ENOX1: variants seen among roughly 807,000 people sequenced by gnomAD.
ENOX1 encodes the protein ecto-NOX disulfide-thiol exchanger 1, also known as candidate growth-related and time keeping constitutive hydroquinone (NADH) oxidase.
A neutral mutation model predicts 82.5 loss-of-function variants in ENOX1; 42 were observed. That is an observed-to-expected ratio of 0.51 (90% CI 0.40 to 0.66). The LOEUF (loss-of-function observed/expected upper bound fraction) is 0.66. Among genes scored for constraint, ENOX1 ranks in the 30% least tolerant of loss-of-function variants. The probability of loss-of-function intolerance (pLI) is 0.00; values close to 1 mark genes in which losing one functional copy is unlikely to be tolerated. For missense variants in ENOX1, 608 were observed against 811.6 expected (o/e 0.75, Z 3.05); for synonymous variants, 271 against 282.2 (o/e 0.96, Z 0.40).
intron 2 of ENOX1, among the ~76,000 whole-genome samples, chr13:43,622,015 A>C (rs2082754464): frequency 6.6e-6 from 1 of 151,976 alleles, no homozygotes; most frequent in African/African-American, 2.4e-5. Context: ...TCGAGCTGTG[A>C]GTTTCTTTCT....
At chr13:43,353,185 A>G (rs930324518) in intron 8 of ENOX1, among the ~76,000 whole-genome samples, 15 of 152,232 alleles carry the variant, frequency 9.9e-5, no homozygotes, top group Admixed American at 6.5e-4. Context: ...ACGTGCTCAT[A>G]GATCCAAATA....
At chr13:43,264,230 G>C (rs1277952783) in intron 14 of ENOX1, among the ~76,000 whole-genome samples, 1 of 152,170 alleles carries the variant, frequency 6.6e-6, no homozygotes, top group Non-Finnish European at 1.5e-5. Flanking sequence ...AACTTGTCAG[G>C]CTGATACATT....
chr13:43,289,405 G>A (rs11617744), intron 12 of ENOX1, among the ~76,000 whole-genome samples: 16 of 152,168 alleles, frequency 1.1e-4, no homozygotes, highest in African/African-American at 2.2e-4. Flanking sequence ...AGAAAACTGA[G>A]AAACAAAGAT....
In ENOX1 at chr13:43,231,208, CTT is replaced by C. The variant is rs2042265035; in HGVS notation, c.1714+5426_1714+5427del. ...TGACCATAAACCAGCCTGAAATAGTCTTGTTTCATGTTGACACCCATATAAAT... is the reference window on the plus strand; with the variant it reads ...TGACCATAAACCAGCCTGAAATAGTCGTTTCATGTTGACACCCATATAAAT... On this transcript the variant is annotated intron_variant, in intron 15 of 16. Coordinates refer to ENST00000690772, the MANE Select transcript of ENOX1 (RefSeq NM_001347969.2). 2.6e-5 allele frequency among the ~76,000 whole-genome samples: 4 copies of C among 152,172 alleles called. No homozygotes were observed. In the South Asian group the frequency reaches 8.3e-4, roughly 32 times the overall value.
At chr13:43,666,273 T>C (rs774994828) in intron 2 of ENOX1, among the ~76,000 whole-genome samples, 7 of 152,142 alleles carry the variant, frequency 4.6e-5, no homozygotes, top group Non-Finnish European at 8.8e-5. Context: ...AATTGAGGTA[T>C]GCCTGTACCC....
chr13:43,667,037 C>T (rs1407208106), intron 2 of ENOX1, among the ~76,000 whole-genome samples: 1 of 152,108 alleles, frequency 6.6e-6, no homozygotes, highest in Admixed American at 6.5e-5. Context: ...AGTTGTGAGA[C>T]ATGTACTTAT....
chr13:43,569,479 A>G (rs9533531), intron 2 of ENOX1, among the ~76,000 whole-genome samples: 147,985 of 152,252 alleles, frequency 0.97, 72,059 homozygotes, highest in East Asian at 1. Context: ...TCAGAGACCT[A>G]TGTTCTCTTC....
At chr13:43,417,134 G>A (rs1486867435) in intron 3 of ENOX1, among the ~76,000 whole-genome samples, 3 of 152,124 alleles carry the variant, frequency 2.0e-5, no homozygotes, top group Non-Finnish European at 4.4e-5. Flanking sequence ...AGGGGAGCCC[G>A]AGGCAGGGAG....
At chr13:43,778,269 A>G (rs146094731) in intron 1 of ENOX1, among the ~76,000 whole-genome samples, 1 of 152,322 alleles carries the variant, frequency 6.6e-6, no homozygotes, top group African/African-American at 2.4e-5. Context: ...TAAGCATTCA[A>G]TTCAAAACAG....
At chr13:43,705,713 T>G (rs749034129) in intron 1 of ENOX1, among the ~76,000 whole-genome samples, 3 of 151,998 alleles carry the variant, frequency 2.0e-5, no homozygotes, top group Non-Finnish European at 2.9e-5. Flanking sequence ...ACCATTCACA[T>G]AGTTGGAGAT....
chr13:43,419,459 T>C (rs1448436999), intron 3 of ENOX1, among the ~76,000 whole-genome samples: 2 of 151,942 alleles, frequency 1.3e-5, no homozygotes, highest in Non-Finnish European at 2.9e-5. Context: ...GGTGGGAGGA[T>C]TGCTTGAGCT....
intron 1 of ENOX1, among the ~76,000 whole-genome samples, chr13:43,758,684 A>G (rs1231087066): frequency 6.6e-6 from 1 of 152,228 alleles, no homozygotes; most frequent in Non-Finnish European, 1.5e-5. Flanking sequence ...AATAAGTTTA[A>G]TTTAAACTAA....
chr13:43,748,888 A>G (rs756956907), intron 1 of ENOX1, among the ~76,000 whole-genome samples: 2 of 152,092 alleles, frequency 1.3e-5, no homozygotes, highest in Non-Finnish European at 2.9e-5. Flanking sequence ...CAGAATACAG[A>G]CTCTAATGAC....
Position 43,601,958 on chromosome 13 carries a change from C to A in ENOX1, c.-219+65521G>T, listed in dbSNP as rs561509399. On this transcript the variant is annotated intron_variant, in intron 2 of 16. Transcript: ENST00000690772. The stretch of plus-strand genomic sequence containing the variant: ...AGAATAGTATATCCAGTGAAAATAT[C>A]CTTCAAATAGGAAGGAGAAATAAAG... 4.6e-5 allele frequency among the ~76,000 whole-genome samples: 7 copies of A among 151,978 alleles called. No individual in the cohort carries two copies. In the South Asian group the frequency reaches 1.5e-3, roughly 32 times the overall value.
At chr13:43,311,857 C>T (rs150359125) in intron 11 of ENOX1, among the ~76,000 whole-genome samples, 1 of 152,226 alleles carries the variant, frequency 6.6e-6, no homozygotes, top group East Asian at 1.9e-4. Context: ...TAAGACAATT[C>T]GTGGAGGCAA....
chr13:43,631,073 G>A (rs2083197119), intron 2 of ENOX1, among the ~76,000 whole-genome samples: 1 of 152,108 alleles, frequency 6.6e-6, no homozygotes, highest in African/African-American at 2.4e-5. Context: ...AGTCTTTAAT[G>A]ACTGCAATAA....
intron 2 of ENOX1, among the ~76,000 whole-genome samples, chr13:43,600,750 C>A (rs1166343782): frequency 6.6e-6 from 1 of 152,200 alleles, no homozygotes; most frequent in Non-Finnish European, 1.5e-5. Context: ...TCAGGTCTCA[C>A]ACAGCACAAT....
At chr13:43,493,148 C>A (rs992581988) in intron 2 of ENOX1, among the ~76,000 whole-genome samples, 4 of 152,152 alleles carry the variant, frequency 2.6e-5, no homozygotes, top group African/African-American at 9.7e-5. Flanking sequence ...CTCTCTCTCT[C>A]TCCCCCCTCC....
At chr13:43,579,375 A>G (rs1267860773) in intron 2 of ENOX1, among the ~76,000 whole-genome samples, 1 of 152,194 alleles carries the variant, frequency 6.6e-6, no homozygotes, top group Non-Finnish European at 1.5e-5. Flanking sequence ...ATTACATTAG[A>G]TAACTTTTAA....
Sources: allele counts gnomAD v4.1 joint callset (sites outside exome capture counted in the v4.1 genomes callset), GRCh38; gene constraint gnomAD v4.1.1; transcripts MANE v1.5; gene names NCBI Gene and HGNC (gene_info 2026-07-23, HGNC 2026-07-21).